The following SSBP2 variants were observed in gnomAD, a reference collection of about 807,000 sequenced individuals.
SSBP2 encodes single-stranded DNA-binding protein 2.
Under a neutral mutation model 61.8 loss-of-function variants are expected in SSBP2, and 17 were observed. The observed-to-expected ratio is 0.28, with a 90% CI of 0.19 to 0.41. SSBP2 has a LOEUF of 0.41. Among genes scored for constraint, SSBP2 ranks in the 10% least tolerant of loss-of-function variants. The pLI, the probability that SSBP2 is intolerant of heterozygous loss-of-function variation, is 1.00. For missense variants in SSBP2, 310 were observed against 458.7 expected, an observed-to-expected ratio of 0.68 and a Z score of 2.96; for synonymous variants, 139 against 141.3, an observed-to-expected ratio of 0.98 and a Z score of 0.12.
At chr5:81,493,688 C>T (rs975567337) in intron 5 of SSBP2, among the ~76,000 whole-genome samples, 1 of 151,214 alleles carries the variant, frequency 6.6e-6, no homozygotes, top group African/African-American at 2.4e-5. Flanking sequence ...CCTGGGAGGC[C>T]GGGGTTGCAG....
chr5:81,505,877 A>G (rs1768142362), intron 5 of SSBP2, among the ~76,000 whole-genome samples: 1 of 152,268 alleles, frequency 6.6e-6, no homozygotes, highest in Middle Eastern at 3.4e-3. Context: ...AACAACAAAA[A>G]ATTGGATTTC....
intron 4 of SSBP2, among the ~76,000 whole-genome samples, chr5:81,595,099 G>C (rs1169081024): frequency 1.3e-5 from 2 of 152,058 alleles, no homozygotes; most frequent in Non-Finnish European, 2.9e-5. Flanking sequence ...CCACTAGCAA[G>C]ACTAATAAAG....
chr5:81,653,543 AAC>A lies in SSBP2; in HGVS notation c.63-3206_63-3205del, dbSNP rs1422810923. ...GCCACACTGTCTTCCACAATGGTTG[AAC>A]TAATTTACACTCCCACCAACAGTGT... On this transcript the variant is annotated intron_variant, in intron 1 of 16. Coordinates refer to ENST00000320672, the MANE Select transcript of SSBP2 (RefSeq NM_012446.5). 2.0e-5 allele frequency among the ~76,000 whole-genome samples: 3 copies of A among 152,290 alleles called. No homozygotes were observed. In the East Asian group the frequency reaches 5.8e-4, roughly 29 times the overall value.
intron 3 of SSBP2, among the ~76,000 whole-genome samples, chr5:81,623,080 TG>T (rs952237982): frequency 6.6e-6 from 1 of 152,172 alleles, no homozygotes; most frequent in Admixed American, 6.5e-5. Context: ...GTTTTTCACC[TG>T]GATCAAGTGT....
At chr5:81,588,861 G>GGA (rs1375504011) in intron 4 of SSBP2, among the ~76,000 whole-genome samples, 4 of 152,018 alleles carry the variant, frequency 2.6e-5, no homozygotes, top group African/African-American at 9.7e-5. Context: ...CCCAAGAGTT[G>GGA]GAGACCAGCC....
chr5:81,663,149 A>C (rs1393841218), intron 1 of SSBP2, among the ~76,000 whole-genome samples: 2 of 152,220 alleles, frequency 1.3e-5, no homozygotes, highest in African/African-American at 4.8e-5. Flanking sequence ...GATAGGCAAG[A>C]TATTAAAGGT....
intron 1 of SSBP2, among the ~76,000 whole-genome samples, chr5:81,650,795 G>A (rs997322040): frequency 2.0e-5 from 3 of 152,084 alleles, no homozygotes; most frequent in Admixed American, 6.6e-5. Context: ...GCCACAACTT[G>A]CGTTGAATAT....
chr5:81,604,050 G>A (rs953785946), intron 4 of SSBP2, among the ~76,000 whole-genome samples: 58 of 152,166 alleles, frequency 3.8e-4, no homozygotes, highest in African/African-American at 1.3e-3. Flanking sequence ...AAGTATAACA[G>A]GGGAGCAGAC....
intron 4 of SSBP2, among the ~76,000 whole-genome samples, chr5:81,523,395 A>G (rs1769645230): frequency 6.6e-6 from 1 of 152,078 alleles, no homozygotes; most frequent in Non-Finnish European, 1.5e-5. Flanking sequence ...AACAAGAAAG[A>G]GTGTAACATA....
intron 1 of SSBP2, among the ~76,000 whole-genome samples, chr5:81,728,643 A>G (rs1756052604): frequency 6.6e-6 from 1 of 152,228 alleles, no homozygotes; most frequent in African/African-American, 2.4e-5. Flanking sequence ...TTGGGCGAGG[A>G]AAGCTGTCAA....
At chr5:81,750,086 C>G (rs921854576) in intron 1 of SSBP2, among the ~76,000 whole-genome samples, 4 of 151,730 alleles carry the variant, frequency 2.6e-5, no homozygotes, top group Non-Finnish European at 5.9e-5. Context: ...ACAAAAAGTT[C>G]GCCAGCCGCC....
chr5:81,748,374 C>A (rs1757489862), intron 1 of SSBP2, among the ~76,000 whole-genome samples: 1 of 152,050 alleles, frequency 6.6e-6, no homozygotes, highest in African/African-American at 2.4e-5. Flanking sequence ...TGGTGACATC[C>A]ATTTTAATGA....
At chr5:81,663,936 C>A (rs73766295) in intron 1 of SSBP2, among the ~76,000 whole-genome samples, 3,673 of 152,154 alleles carry the variant, frequency 0.024, 158 homozygotes, top group African/African-American at 0.084. Flanking sequence ...ATTAATGCAT[C>A]CCCATTTGTA....
chr5:81,604,437 TTAAAG>T (rs1561594386), intron 4 of SSBP2, among the ~76,000 whole-genome samples: 1 of 152,054 alleles, frequency 6.6e-6, no homozygotes, highest in Non-Finnish European at 1.5e-5. Context: ...ACTGACCACA[TTAAAG>T]TAATGGTAGG....
chr5:81,629,395 G>C (rs1187943277), intron 3 of SSBP2, among the ~76,000 whole-genome samples: 1 of 152,184 alleles, frequency 6.6e-6, no homozygotes, highest in Non-Finnish European at 1.5e-5. Context: ...AATCCTTAAT[G>C]TAAGCAGGAC....
At chr5:81,462,296 T>C (rs938066883) in intron 9 of SSBP2, among the ~76,000 whole-genome samples, 1 of 152,228 alleles carries the variant, frequency 6.6e-6, no homozygotes, top group Admixed American at 6.5e-5. Flanking sequence ...GACAAGCTAG[T>C]TCTAAATGTT....
chr5:81,449,875 T>C (rs189920783), intron 10 of SSBP2, among the ~76,000 whole-genome samples: 54 of 152,346 alleles, frequency 3.5e-4, no homozygotes, highest in African/African-American at 1.2e-3. Context: ...AGATGGCCAC[T>C]GCTAGAGTGC....
chr5:81,477,510 ACAATT>A (rs1561447084), intron 6 of SSBP2, among the ~76,000 whole-genome samples: 1 of 152,050 alleles, frequency 6.6e-6, no homozygotes, highest in East Asian at 1.9e-4. Flanking sequence ...ACTCCTCAAT[ACAATT>A]ATGTATTTAT....
At chr5:81,540,772 C>T (rs1771204480) in intron 4 of SSBP2, among the ~76,000 whole-genome samples, 1 of 152,086 alleles carries the variant, frequency 6.6e-6, no homozygotes, top group Non-Finnish European at 1.5e-5. Flanking sequence ...GCAATATTCA[C>T]TTTATTGTGG....
Sources: allele counts gnomAD v4.1 joint callset (sites outside exome capture counted in the v4.1 genomes callset), GRCh38; gene constraint gnomAD v4.1.1; transcripts MANE v1.5; gene names NCBI Gene and HGNC (gene_info 2026-07-23, HGNC 2026-07-21).